OPCML: variants seen among roughly 807,000 people sequenced by gnomAD.
OPCML encodes the protein opioid binding protein/cell adhesion molecule like.
Under a neutral mutation model 37.8 loss-of-function variants are expected in OPCML, and 13 were observed. That is an observed-to-expected ratio of 0.34 (90% CI 0.22 to 0.55). The LOEUF (loss-of-function observed/expected upper bound fraction) is 0.55, where lower values mean the gene tolerates loss of function less well. Among genes scored for constraint, OPCML ranks in the 20% least tolerant of loss-of-function variants. The probability of loss-of-function intolerance (pLI) is 0.91; values close to 1 mark genes in which losing one functional copy is unlikely to be tolerated. For missense variants in OPCML, 341 were observed against 435.6 expected (o/e 0.78, Z 1.93); for synonymous variants, 176 against 168.8 (o/e 1.04, Z -0.33).
At chr11:132,994,959 G>A (rs1169109460) in intron 1 of OPCML, among the ~76,000 whole-genome samples, 3 of 152,166 alleles carry the variant, frequency 2.0e-5, no homozygotes, top group African/African-American at 7.2e-5. Flanking sequence ...AGAAAACTGA[G>A]ACTCTAAAAG....
chr11:133,140,463 C>T (rs1448172297), intron 1 of OPCML, among the ~76,000 whole-genome samples: 3 of 145,006 alleles, frequency 2.1e-5, no homozygotes, highest in Admixed American at 7.0e-5. Flanking sequence ...TGCAGTGAGC[C>T]GAGATTGCAC....
chr11:133,373,841 T>G (rs1944740086), intron 1 of OPCML, among the ~76,000 whole-genome samples: 1 of 152,198 alleles, frequency 6.6e-6, no homozygotes, highest in Non-Finnish European at 1.5e-5. Context: ...TCACTGTCAT[T>G]GTTTTTAAAA....
intron 2 of OPCML, among the ~76,000 whole-genome samples, chr11:132,906,038 G>A (rs1167435047): frequency 6.6e-6 from 1 of 152,114 alleles, no homozygotes; most frequent in Non-Finnish European, 1.5e-5. Flanking sequence ...ACTTTGGAAG[G>A]GTTTTTTGAA....
At chr11:133,138,602 C>T (rs11223369) in intron 1 of OPCML, among the ~76,000 whole-genome samples, 6,407 of 152,212 alleles carry the variant, frequency 0.042, 154 homozygotes, top group South Asian at 0.073. Flanking sequence ...AATGAACATG[C>T]CTTCCATAGC....
chr11:132,442,726 T>C (rs780458187), intron 4 of OPCML, among the ~76,000 whole-genome samples: 1 of 152,186 alleles, frequency 6.6e-6, no homozygotes, highest in Non-Finnish European at 1.5e-5. Flanking sequence ...TGAAGAAGTC[T>C]TATGAGATCT....
intron 1 of OPCML, among the ~76,000 whole-genome samples, chr11:133,034,566 G>C (rs925696965): frequency 6.6e-6 from 1 of 152,120 alleles, no homozygotes; most frequent in African/African-American, 2.4e-5. Context: ...CTAACTCTGT[G>C]ACCTTGGTCA....
chr11:133,146,374 G>A (rs1348032603), intron 1 of OPCML, among the ~76,000 whole-genome samples: 1 of 150,482 alleles, frequency 6.6e-6, no homozygotes, highest in African/African-American at 2.5e-5. Context: ...GAGTGCAATG[G>A]CACAATCTTG....
chr11:132,500,535 G>A (rs1417347251), intron 4 of OPCML, among the ~76,000 whole-genome samples: 1 of 152,140 alleles, frequency 6.6e-6, no homozygotes, highest in East Asian at 1.9e-4. Flanking sequence ...TTTACATGCT[G>A]TAAATCCACA....
At chr11:132,455,520 T>C (rs1199522013) in intron 4 of OPCML, among the ~76,000 whole-genome samples, 1 of 152,210 alleles carries the variant, frequency 6.6e-6, no homozygotes, top group East Asian at 1.9e-4. Flanking sequence ...CCCTTTGAGA[T>C]GCCACTTAGG....
chr11:132,604,687 G>T (rs528862501), intron 3 of OPCML, among the ~76,000 whole-genome samples: 2 of 152,244 alleles, frequency 1.3e-5, no homozygotes, highest in African/African-American at 4.8e-5. Context: ...TAATCACTCA[G>T]CCTTGAAAAA....
intron 1 of OPCML, among the ~76,000 whole-genome samples, chr11:133,135,795 T>C (rs1329737888): frequency 6.6e-6 from 1 of 152,166 alleles, no homozygotes; most frequent in Non-Finnish European, 1.5e-5. Flanking sequence ...TCTACCTCAG[T>C]TGTCTCCGCA....
At chr11:133,439,531 C>G (rs1233412555) in intron 1 of OPCML, among the ~76,000 whole-genome samples, 2 of 151,630 alleles carry the variant, frequency 1.3e-5, no homozygotes, top group South Asian at 2.1e-4. Flanking sequence ...GCAGTGGCTC[C>G]ATCTCTGCTC....
chr11:132,724,233 C>T (rs563662287), intron 2 of OPCML, among the ~76,000 whole-genome samples: 14 of 152,232 alleles, frequency 9.2e-5, no homozygotes, highest in African/African-American at 3.4e-4. Flanking sequence ...AAAGGACACC[C>T]TGGAAGAGAG....
intron 1 of OPCML, among the ~76,000 whole-genome samples, chr11:133,499,825 C>CATAT (rs543788803): frequency 7.2e-6 from 1 of 138,164 alleles, no homozygotes; most frequent in Non-Finnish European, 1.5e-5. Flanking sequence ...TATATACACA[C>CATAT]ATATATATGT....
chr11:133,525,573 A>G (rs1286516810), intron 1 of OPCML, among the ~76,000 whole-genome samples: 1 of 152,240 alleles, frequency 6.6e-6, no homozygotes, highest in East Asian at 1.9e-4. Flanking sequence ...TGCCTACCTC[A>G]CAGTCTCTTA....
chr11:133,296,278 T>G (rs576071457), intron 1 of OPCML, among the ~76,000 whole-genome samples: 45 of 152,306 alleles, frequency 3.0e-4, no homozygotes, highest in African/African-American at 1.1e-3. Context: ...TACACTGTCG[T>G]CCTGTCTGTA....
chr11:133,252,940 G>C (rs1292187024), intron 1 of OPCML, among the ~76,000 whole-genome samples: 1 of 152,086 alleles, frequency 6.6e-6, no homozygotes, highest in Non-Finnish European at 1.5e-5. Flanking sequence ...AAGGTCGAGA[G>C]TTCGAGACCA....
intron 2 of OPCML, among the ~76,000 whole-genome samples, chr11:132,859,800 C>T (rs563617447): frequency 1.3e-5 from 2 of 152,236 alleles, no homozygotes; most frequent in African/African-American, 2.4e-5. Context: ...AAATACTTCC[C>T]GTATTTCACA....
intron 1 of OPCML, among the ~76,000 whole-genome samples, chr11:133,124,325 AG>A (rs1949467543): frequency 6.6e-6 from 1 of 152,096 alleles, no homozygotes; most frequent in Non-Finnish European, 1.5e-5. Flanking sequence ...CAAAGCTCTC[AG>A]CAAATTCATT....
Sources: gnomAD v4.1 joint callset for allele counts (sites outside exome capture counted in the v4.1 genomes callset) on GRCh38, gnomAD v4.1.1 for gene constraint, MANE v1.5 for transcripts, NCBI Gene and HGNC (gene_info 2026-07-23, HGNC 2026-07-21) for gene names.